Variants in CACNA2D1 observed in about 807,000 individuals in gnomAD.
The protein encoded by CACNA2D1 is voltage-dependent calcium channel subunit alpha-2/delta-1.
A neutral mutation model predicts 171.5 loss-of-function variants in CACNA2D1; 53 were observed. The ratio of observed to expected loss-of-function variants is 0.31; its 90% CI spans 0.25 to 0.39. The LOEUF (loss-of-function observed/expected upper bound fraction) is 0.39. Ranked by LOEUF, CACNA2D1 falls within the 10% of genes least tolerant of loss-of-function variation. CACNA2D1 has a pLI of 1.00. For synonymous variants in CACNA2D1, 442 were observed against 443.1 expected (o/e 1.00, Z 0.03); for missense variants, 903 against 1,299.8 (o/e 0.69, Z 4.69).
Position 82,008,621 on chromosome 7 carries a change from TTTA to T in CACNA2D1, c.1363-868_1363-866del, listed in dbSNP as rs577231870. Among the ~76,000 whole-genome samples the T allele has an allele frequency of 2.1e-3, 317 of 152,226 alleles. 1 individual carries two copies. Among genetic ancestry groups the T allele is most frequent in the African/African-American group, 7.0e-3 (290 of 41,558 alleles). On this transcript the variant is annotated intron_variant, in intron 15 of 38. Coordinates refer to ENST00000356860, the MANE Select transcript of CACNA2D1 (RefSeq NM_000722.4). ...AACAAAATCACTCTTTAAAATAATT[TTTA>T]TTGTTTGAAATTTTGAATTTGCTAA...
At chr7:82,342,155 T>C (rs1029950044) in intron 2 of CACNA2D1, among the ~76,000 whole-genome samples, 6 of 152,148 alleles carry the variant, frequency 3.9e-5, no homozygotes, top group Non-Finnish European at 4.4e-5. Flanking sequence ...ACCTAGCTTT[T>C]TGAATTGGGA....
At chr7:82,110,299 G>A (rs1788220922) in intron 6 of CACNA2D1, among the ~76,000 whole-genome samples, 1 of 152,102 alleles carries the variant, frequency 6.6e-6, no homozygotes, top group African/African-American at 2.4e-5. Context: ...TTTCCATGAG[G>A]TCATGAGTGT....
At chr7:82,333,386 T>C (rs1409519619) in intron 3 of CACNA2D1, among the ~76,000 whole-genome samples, 1 of 152,136 alleles carries the variant, frequency 6.6e-6, no homozygotes, top group Non-Finnish European at 1.5e-5. Context: ...CTGGCTAATT[T>C]ATAAAGGAAG....
intron 7 of CACNA2D1, among the ~76,000 whole-genome samples, chr7:82,074,753 A>G (rs1808750463): frequency 6.6e-6 from 1 of 152,096 alleles, no homozygotes; most frequent in South Asian, 2.1e-4. Context: ...GATCTAATCA[A>G]ATAATTTTGA....
At chr7:82,260,238 T>TA (rs1563272477) in intron 3 of CACNA2D1, among the ~76,000 whole-genome samples, 1 of 151,866 alleles carries the variant, frequency 6.6e-6, no homozygotes, top group Non-Finnish European at 1.5e-5. Flanking sequence ...AATAAATAAA[T>TA]AAAACAAAAC....
intron 6 of CACNA2D1, among the ~76,000 whole-genome samples, chr7:82,116,181 A>G (rs572573396): frequency 6.6e-6 from 1 of 152,236 alleles, no homozygotes; most frequent in Admixed American, 6.5e-5. Flanking sequence ...GAGGTGCAGG[A>G]TGGGGTGGAG....
chr7:82,351,274 G>A (rs1337001832), intron 1 of CACNA2D1, among the ~76,000 whole-genome samples: 1 of 151,172 alleles, frequency 6.6e-6, no homozygotes. Context: ...ATAAATGTAA[G>A]TAGTATAAAT....
chr7:81,994,201 A>G (rs577950170), intron 20 of CACNA2D1, among the ~76,000 whole-genome samples: 11 of 152,266 alleles, frequency 7.2e-5, no homozygotes, highest in Non-Finnish European at 1.5e-4. Context: ...CATTTTTCAA[A>G]TACTCAAATG....
chr7:82,002,521 A>G lies in CACNA2D1; in HGVS notation c.1590+2902T>C, dbSNP rs79196070. On this transcript the variant is annotated intron_variant, in intron 18 of 38. Transcript: ENST00000356860. ...GTTTTCTGAAGTGATACCAAATGTT[A>G]TATCTATGAAACTAATAGAGAATGT... Among the ~76,000 whole-genome samples, 251 of 152,340 alleles carry G rather than the reference A, an allele frequency of 1.6e-3. 5 individuals carry two copies. In the East Asian group the frequency reaches 0.018, roughly 11 times the overall value.
At chr7:81,951,369 T>C (rs568358450) in intron 38 of CACNA2D1, among the ~76,000 whole-genome samples, 1 of 152,190 alleles carries the variant, frequency 6.6e-6, no homozygotes, top group South Asian at 2.1e-4. Flanking sequence ...TTTATTTCAA[T>C]AGATTTTGGG....
At chr7:82,010,643 A>C (rs1174518505) in intron 15 of CACNA2D1, among the ~76,000 whole-genome samples, 1 of 152,296 alleles carries the variant, frequency 6.6e-6, no homozygotes, top group Admixed American at 6.5e-5. Context: ...TGTGATGTCT[A>C]AAAGGAACAC....
chr7:82,263,439 C>G (rs1002977421), intron 3 of CACNA2D1, among the ~76,000 whole-genome samples: 4 of 152,052 alleles, frequency 2.6e-5, no homozygotes, highest in Non-Finnish European at 5.9e-5. Flanking sequence ...ATTTGTTATG[C>G]TTTTCTCTTA....
chr7:81,990,485 A>G (rs1383631724), intron 21 of CACNA2D1, among the ~76,000 whole-genome samples: 2 of 152,046 alleles, frequency 1.3e-5, no homozygotes, highest in Admixed American at 6.6e-5. Flanking sequence ...GACTGTTAAG[A>G]AGGAGGAATA....
chr7:81,982,852 A>G (rs1172196324), intron 23 of CACNA2D1: 1 of 599,868 alleles, frequency 1.7e-6, no homozygotes, highest in Middle Eastern at 4.6e-4. Context: ...CCCCACAGTT[A>G]TTTCAAAGAA....
intron 1 of CACNA2D1, among the ~76,000 whole-genome samples, chr7:82,424,820 CAA>C (rs1405633380): frequency 6.6e-6 from 1 of 152,174 alleles, no homozygotes; most frequent in East Asian, 1.9e-4. Flanking sequence ...TGCCTGAAGG[CAA>C]AAGAGTGATG....
At chr7:82,324,217 G>A (rs1816344365) in intron 3 of CACNA2D1, among the ~76,000 whole-genome samples, 1 of 151,906 alleles carries the variant, frequency 6.6e-6, no homozygotes, top group Admixed American at 6.6e-5. Flanking sequence ...AATTAGCTGG[G>A]TGTTGTGGTG....
chr7:82,170,465 A>T, intron 4 of CACNA2D1, 85 bp downstream of exon 4: 1 of 978,100 alleles, frequency 1.0e-6, no homozygotes, highest in South Asian at 1.3e-5. Context: ...AGATTCCATC[A>T]TTAAAATATA....
At chr7:82,363,304 C>T (rs1476069935) in intron 1 of CACNA2D1, among the ~76,000 whole-genome samples, 2 of 119,462 alleles carry the variant, frequency 1.7e-5, no homozygotes, top group Non-Finnish European at 3.2e-5. Context: ...CTCACTCTGT[C>T]ACCCAGCTGG....
In CACNA2D1 at chr7:82,016,555, A is replaced by G. The variant is rs1332573844; in HGVS notation, c.1144-2076T>C. 2.0e-5 allele frequency among the ~76,000 whole-genome samples: 3 copies of G among 151,018 alleles called. No individual in the cohort carries two copies. In the South Asian group the frequency reaches 6.3e-4, roughly 32 times the overall value. ...CGAGGCTACACTCAGATCCACACAT[A>G]TGATTATTTGACTGATGTTATCATT... On this transcript the variant is annotated intron_variant, in intron 12 of 38. Coordinates refer to ENST00000356860, the MANE Select transcript of CACNA2D1 (RefSeq NM_000722.4).
Sources: allele counts gnomAD v4.1 joint callset (sites outside exome capture counted in the v4.1 genomes callset), GRCh38; gene constraint gnomAD v4.1.1; transcripts MANE v1.5; gene names NCBI Gene and HGNC (gene_info 2026-07-23, HGNC 2026-07-21).